Variants in EML1 observed in about 807,000 individuals in gnomAD.
EML1 encodes echinoderm microtubule-associated protein-like 1.
EML1 carries 27 observed loss-of-function variants against 110.4 expected under a neutral mutation model. The ratio of observed to expected loss-of-function variants is 0.24; its 90% CI spans 0.18 to 0.34. The LOEUF (loss-of-function observed/expected upper bound fraction) is 0.34, where lower values mean the gene tolerates loss of function less well. Ranked by LOEUF, EML1 falls within the 10% of genes least tolerant of loss-of-function variation. The probability of loss-of-function intolerance (pLI) is 1.00; values close to 1 mark genes in which losing one functional copy is unlikely to be tolerated. For synonymous variants in EML1, 344 were observed against 385.8 expected (o/e 0.89, Z 1.27); for missense variants, 741 against 1,030.9 (o/e 0.72, Z 3.85).
intron 1 of EML1, among the ~76,000 whole-genome samples, chr14:99,782,690 A>G (rs1003914454): frequency 6.6e-6 from 1 of 152,138 alleles, no homozygotes; most frequent in Non-Finnish European, 1.5e-5. Flanking sequence ...TCCTGGGACC[A>G]TGGCAAAAAT....
chr14:99,795,352 T>A (rs533611155), intron 1 of EML1, among the ~76,000 whole-genome samples: 1 of 152,362 alleles, frequency 6.6e-6, no homozygotes, highest in South Asian at 2.1e-4. Context: ...TTATATTTTG[T>A]AGAAGTATTG....
chr14:99,850,816 A>G (rs756790428), intron 1 of EML1, 37 bp from the exon 2 acceptor site: 6 of 1,598,314 alleles, frequency 3.8e-6, no homozygotes, highest in Non-Finnish European at 4.3e-6. Context: ...ATTTCCGGGG[A>G]ACACTTAAAG....
chr14:99,909,602 G>A (rs557927942), intron 11 of EML1, 123 bp downstream of exon 11: 36 of 1,257,308 alleles, frequency 2.9e-5, no homozygotes, highest in African/African-American at 1.2e-4. Context: ...GTTGGGAAGC[G>A]TGTCACACCT....
upstream of EML1, among the ~76,000 whole-genome samples, chr14:99,770,209 G>T (rs932459027): frequency 2.0e-5 from 3 of 152,148 alleles, no homozygotes; most frequent in Admixed American, 2.0e-4. Flanking sequence ...GACATTTATT[G>T]CTCACAGTTC....
At chr14:99,882,306 A>G (rs1330780109) in intron 4 of EML1, among the ~76,000 whole-genome samples, 1 of 152,228 alleles carries the variant, frequency 6.6e-6, no homozygotes, top group Non-Finnish European at 1.5e-5. Context: ...TACCTGATAG[A>G]AAATTGGCTG....
intron 1 of EML1, among the ~76,000 whole-genome samples, chr14:99,782,201 G>A (rs2057547571): frequency 6.6e-6 from 1 of 152,078 alleles, no homozygotes; most frequent in African/African-American, 2.4e-5. Context: ...CATTGAAGAG[G>A]TGGCTGCTCA....
At chr14:99,768,303 C>G (rs1368612324), upstream of EML1, among the ~76,000 whole-genome samples, 1 of 152,160 alleles carries the variant, frequency 6.6e-6, no homozygotes, top group Non-Finnish European at 1.5e-5. Context: ...GAGGGAGGAA[C>G]TCATTCTTCA....
At chr14:99,919,439 C>CACACACACACACACAG (rs2060093291) in intron 16 of EML1, among the ~76,000 whole-genome samples, 1 of 150,538 alleles carries the variant, frequency 6.6e-6, no homozygotes, top group African/African-American at 2.5e-5. Flanking sequence ...CACACACACA[C>CACACACACACACACAG]ACACACACAC....
intron 1 of EML1, among the ~76,000 whole-genome samples, chr14:99,813,660 A>G (rs751058473): frequency 6.6e-6 from 1 of 152,184 alleles, no homozygotes; most frequent in Non-Finnish European, 1.5e-5. Flanking sequence ...GTGAGCTACA[A>G]TCATGCCACA....
rs758384602 is a variant in EML1 at position 99,781,887 on chromosome 14, G to A, written c.-27+7874G>A. Among the ~76,000 whole-genome samples the A allele has an allele frequency of 7.2e-5, 11 of 152,104 alleles. No homozygotes were observed. The highest frequency in any genetic ancestry group is 2.1e-4 in the South Asian group (1 of 4,834). ...CTTGAGGCTGGAGGTATGCTCCCCC[G>A]CTTTTGACTTCTGGACTCCTCAGTC... On this transcript the variant is annotated intron_variant, in intron 1 of 22. Transcript: ENST00000327921. The surrounding 1 kb of genome is among the most constrained non-coding windows in gnomAD (Gnocchi z 4.2).
At chr14:99,863,576 T>G (rs1177866790) in intron 2 of EML1, among the ~76,000 whole-genome samples, 1 of 152,240 alleles carries the variant, frequency 6.6e-6, no homozygotes, top group Non-Finnish European at 1.5e-5. Flanking sequence ...TTACCTTTAC[T>G]CAAATGTCAT....
At chr14:99,923,098 C>T (rs559999821) in intron 17 of EML1, among the ~76,000 whole-genome samples, 2 of 152,208 alleles carry the variant, frequency 1.3e-5, no homozygotes, top group Admixed American at 6.5e-5. Context: ...CACACCACCA[C>T]GTCTGGCTAA....
At position 99,896,929 on chromosome 14, in the gene EML1, T is replaced by C. The variant is rs1191091; in HGVS notation, c.678-216T>C. On this transcript the variant is annotated intron_variant, in intron 6 of 21. Transcript: ENST00000262233. The stretch of plus-strand genomic sequence containing the variant: ...ATAAAACCAAATCATTGTGAAAATA[T>C]GTATTCACATTACATCAATGACTGT... 0.29 allele frequency among the ~76,000 whole-genome samples: 44,502 copies of C among 152,146 alleles called. 7,452 individuals are homozygous for C. Among genetic ancestry groups the C allele is most frequent in the South Asian group, 0.46 (2,198 of 4,814 alleles).
At chr14:99,892,360 C>G (rs2059601848) in intron 5 of EML1, among the ~76,000 whole-genome samples, 1 of 152,178 alleles carries the variant, frequency 6.6e-6, no homozygotes, top group Non-Finnish European at 1.5e-5. Context: ...TGAGCATTTA[C>G]TCGGATGGGC....
intron 2 of EML1, 50 bp downstream of exon 2, chr14:99,851,085 G>A: frequency 1.3e-6 from 2 of 1,568,202 alleles, no homozygotes; most frequent in Non-Finnish European, 1.7e-6. Context: ...TCTCGTGGCA[G>A]AATCTTGCTC....
chr14:99,778,973 G>T (rs1215316158), intron 1 of EML1, among the ~76,000 whole-genome samples: 1 of 152,106 alleles, frequency 6.6e-6, no homozygotes, highest in Non-Finnish European at 1.5e-5. Context: ...AACATTTGGT[G>T]GGTATAAATA....
chr14:99,809,524 G>T (rs2058038801), intron 1 of EML1: 1 of 403,658 alleles, frequency 2.5e-6, no homozygotes, highest in African/African-American at 2.1e-5. Flanking sequence ...GCCCTGGTCG[G>T]CACCCTGGGA....
At chr14:99,759,729 TGCGCAGGCTGAGCTGA>T (rs1418668570) in intron 1 of EML1, among the ~76,000 whole-genome samples, 1 of 152,210 alleles carries the variant, frequency 6.6e-6, no homozygotes, top group Non-Finnish European at 1.5e-5. Context: ...CAGCCTGTGC[TGCGCAGGCTGAGCTGA>T]GCCTTAACCA....
At chr14:99,742,503 C>T (rs2140160891) in intron 1 of EML1, among the ~76,000 whole-genome samples, 1 of 152,176 alleles carries the variant, frequency 6.6e-6, no homozygotes, top group African/African-American at 2.4e-5. Context: ...GGGTGAGGTC[C>T]ACACAGAAGA....
Sources: gnomAD v4.1 joint callset for allele counts (sites outside exome capture counted in the v4.1 genomes callset) on GRCh38, gnomAD v4.1.1 for gene constraint, Gnocchi (gnomAD v3.1) non-coding constraint, MANE v1.5 for transcripts, NCBI Gene and HGNC (gene_info 2026-07-23, HGNC 2026-07-21) for gene names.